Variants in JAK1 observed in about 807,000 individuals in gnomAD.
JAK1 encodes tyrosine-protein kinase JAK1.
JAK1 carries 16 observed loss-of-function variants against 136.6 expected under a neutral mutation model. The ratio of observed to expected loss-of-function variants is 0.12; its 90% CI spans 0.08 to 0.18. JAK1 has a LOEUF of 0.18. Ranked by LOEUF, JAK1 falls within the 10% of genes least tolerant of loss-of-function variation. The pLI, the probability that JAK1 is intolerant of heterozygous loss-of-function variation, is 1.00. For missense variants in JAK1, 859 were observed against 1,450.1 expected (o/e 0.59, Z 6.62); for synonymous variants, 492 against 519.5 (o/e 0.95, Z 0.72).
At chr1:65,056,130 C>T (rs2100874405) in intron 1 of JAK1, among the ~76,000 whole-genome samples, 1 of 152,144 alleles carries the variant, frequency 6.6e-6, no homozygotes, top group South Asian at 2.1e-4. Flanking sequence ...AAAAGTTCTT[C>T]CAGAGTTTCT....
intron 11 of JAK1, 56 bp from the exon 12 acceptor site, chr1:64,850,966 C>G: frequency 8.3e-7 from 1 of 1,204,760 alleles, no homozygotes; most frequent in Admixed American, 1.7e-5. Flanking sequence ...AGCTCTCAGA[C>G]AGCCAACGTC....
intron 1 of JAK1, chr1:65,058,396 G>C (rs1348032690): frequency 3.7e-6 from 2 of 533,772 alleles, no homozygotes; most frequent in Admixed American, 1.9e-5. Flanking sequence ...CTTTCTTCCT[G>C]GGTACGGTGA....
At chr1:64,865,080 GAAAGC>G in intron 7 of JAK1, 108 bp from the exon 8 acceptor site, 5 of 815,026 alleles carry the variant, frequency 6.1e-6, no homozygotes, top group Non-Finnish European at 9.6e-6. Context: ...CCAAGGAAGA[GAAAGC>G]CAGCTCTTCT....
intron 8 of JAK1, among the ~76,000 whole-genome samples, chr1:64,861,612 T>C (rs1656345987): frequency 6.6e-6 from 1 of 152,244 alleles, no homozygotes; most frequent in Non-Finnish European, 1.5e-5. Flanking sequence ...AATGACTCTT[T>C]CATAGCCCTG....
intron 1 of JAK1, among the ~76,000 whole-genome samples, chr1:64,932,692 C>G (rs1557703124): frequency 6.6e-6 from 1 of 152,160 alleles, no homozygotes; most frequent in Non-Finnish European, 1.5e-5. Flanking sequence ...CTCAGCTACT[C>G]CTAACACTAA....
Position 64,841,267 on chromosome 1 carries a change from T to C in JAK1, c.2627A>G (p.Lys876Arg). The change falls in exon 19 of 25, where the codon AAG becomes AGG. Residue 876 changes from lysine (K) to arginine (R), a missense_variant. Physicochemically the swap from Lys to Arg is conservative, Grantham distance 26 (BLOSUM62 2). This residue lies in a region of JAK1 where 409 missense variants were observed against 753.8 expected (regional missense o/e 0.54). Transcript: ENST00000342505. ...DPTHFEKRFLKRIRDLGEGHF... is the reference protein window; with the variant it reads ...DPTHFEKRFLRRIRDLGEGHF... ...TACCTCTCCCAAGTCACGGATCCTC[T>C]TTAGGAAGCGCTTTTCAAAATGTGT... is the stretch of plus-strand genomic sequence containing the variant. 6.2e-7 allele frequency: 1 copy of C among 1,613,994 alleles called. No individual in the cohort carries two copies. The highest frequency in any genetic ancestry group is 8.5e-7 in the Non-Finnish European group (1 of 1,179,870).
At chr1:64,897,322 T>G (rs975781501) in intron 1 of JAK1, among the ~76,000 whole-genome samples, 1 of 150,512 alleles carries the variant, frequency 6.6e-6, no homozygotes, top group South Asian at 2.1e-4. Context: ...CCCAGCTACT[T>G]GGGAGGCTGA....
chr1:64,941,267 A>C (rs1255145872), intron 1 of JAK1, among the ~76,000 whole-genome samples: 1 of 152,208 alleles, frequency 6.6e-6, no homozygotes, highest in Non-Finnish European at 1.5e-5. Context: ...TTAATCCCTA[A>C]TGGTTCAAAA....
At chr1:64,879,223 TGCAAAG>T (rs1644731379) in intron 3 of JAK1, 75 bp from the exon 4 acceptor site, 1 of 1,549,476 alleles carries the variant, frequency 6.5e-7, no homozygotes, top group Non-Finnish European at 8.8e-7. Flanking sequence ...ACCCAATATA[TGCAAAG>T]ATAAGGAACT....
chr1:64,954,861 A>C (rs1313457935), intron 1 of JAK1, among the ~76,000 whole-genome samples: 1 of 152,230 alleles, frequency 6.6e-6, no homozygotes, highest in African/African-American at 2.4e-5. Flanking sequence ...AGGAAACATA[A>C]TGAGTTACAG....
Position 64,837,913 on chromosome 1 carries a change from A to G in JAK1, c.3140+19T>C, listed in dbSNP as rs551764189. 1.3e-5 allele frequency: 21 copies of G among 1,598,090 alleles called. No homozygotes were observed. In the Admixed American group the frequency reaches 2.9e-4, roughly 22 times the overall value. ...ACTCTATGAAGCATTGATAAAACCT[A>G]GTGGTTTGATTCAGTTACCAAAACA... On this transcript the variant is annotated intron_variant, in intron 22 of 24. Coordinates refer to ENST00000342505, the MANE Select transcript of JAK1 (RefSeq NM_002227.4).
intron 4 of JAK1, among the ~76,000 whole-genome samples, chr1:64,874,666 A>G (rs984249667): frequency 1.6e-3 from 250 of 152,310 alleles, no homozygotes; most frequent in African/African-American, 5.8e-3. Flanking sequence ...TCTGTAGGCT[A>G]CAGACTCAGC....
intron 10 of JAK1, among the ~76,000 whole-genome samples, chr1:64,856,546 G>C (rs377173453): frequency 6.6e-6 from 1 of 152,128 alleles, no homozygotes; most frequent in African/African-American, 2.4e-5. Context: ...AGGGAGTCAC[G>C]GACACTCTTG....
At chr1:64,879,478 T>C (rs1644736663) in intron 3 of JAK1, among the ~76,000 whole-genome samples, 1 of 152,166 alleles carries the variant, frequency 6.6e-6, no homozygotes, top group African/African-American at 2.4e-5. Context: ...AACCCCTATC[T>C]GAGAGGTTCA....
chr1:64,881,873 C>A (rs1465324162), intron 3 of JAK1, among the ~76,000 whole-genome samples: 1 of 152,020 alleles, frequency 6.6e-6, no homozygotes, highest in Non-Finnish European at 1.5e-5. Context: ...GTGCTGATGG[C>A]AAGAAGCTTG....
intron 1 of JAK1, among the ~76,000 whole-genome samples, chr1:64,901,137 T>C (rs1645099222): frequency 6.6e-6 from 1 of 152,092 alleles, no homozygotes; most frequent in African/African-American, 2.4e-5. Context: ...CAACACCAAA[T>C]AACAATGCCT....
chr1:64,990,940 GA>G (rs1388696552), intron 2 of JAK1: 10 of 114,622 alleles, frequency 8.7e-5, no homozygotes, highest in African/African-American at 3.0e-4. Context: ...AAAAAAAAAA[GA>G]AAAGAAGAAA....
chr1:64,865,975 G>A (rs1195487953), intron 7 of JAK1, among the ~76,000 whole-genome samples: 1 of 152,122 alleles, frequency 6.6e-6, no homozygotes, highest in East Asian at 1.9e-4. Flanking sequence ...GCCCAGGCTA[G>A]GCTCAAACTC....
intron 1 of JAK1, among the ~76,000 whole-genome samples, chr1:64,905,397 T>C (rs1187079360): frequency 1.3e-5 from 2 of 152,254 alleles, no homozygotes; most frequent in African/African-American, 4.8e-5. Context: ...TTTATAAATG[T>C]ACATAGCTCT....
Sources: allele counts gnomAD v4.1 joint callset (sites outside exome capture counted in the v4.1 genomes callset), GRCh38; gene constraint gnomAD v4.1.1; regional missense constraint gnomAD v4.1.1; transcripts MANE v1.5; gene names NCBI Gene and HGNC (gene_info 2026-07-23, HGNC 2026-07-21).